RBFOX1: variants seen among roughly 807,000 people sequenced by gnomAD.
RBFOX1 encodes the protein RNA binding protein fox-1 homolog 1.
RBFOX1 carries 8 observed loss-of-function variants against 57.7 expected under a neutral mutation model. That is an observed-to-expected ratio of 0.14 (90% CI 0.08 to 0.25). The LOEUF is 0.25. Ranked by LOEUF, RBFOX1 falls within the 10% of genes least tolerant of loss-of-function variation. RBFOX1 has a pLI of 1.00. For synonymous variants in RBFOX1, 326 were observed against 222.4 expected (o/e 1.47, Z -4.15); for missense variants, 611 against 548.5 (o/e 1.11, Z -1.14).
In RBFOX1 at chr16:5,836,103, G is replaced by A. The variant is rs867363061; in HGVS notation, c.319-31200G>A. On this transcript the variant is annotated intron_variant, in intron 3 of 19. Coordinates refer to the RBFOX1 transcript ENST00000641259. ...GCTTGCAGCAGATGTTTAATTAGTC[G>A]TGAGGCTGTGCAGTGACTGGAGGCT... Among the ~76,000 whole-genome samples the A allele has an allele frequency of 6.6e-5, 10 of 152,176 alleles. No individual in the cohort carries two copies. In the East Asian group the frequency reaches 1.2e-3, roughly 18 times the overall value.
intron 14 of RBFOX1, among the ~76,000 whole-genome samples, chr16:7,689,684 T>C (rs996381343): frequency 6.6e-6 from 1 of 151,790 alleles, no homozygotes; most frequent in African/African-American, 2.4e-5. Flanking sequence ...GTGACAGGAA[T>C]GGGAAAATAC....
At chr16:7,325,032 G>A (rs1432271324) in intron 4 of RBFOX1, among the ~76,000 whole-genome samples, 2 of 152,168 alleles carry the variant, frequency 1.3e-5, no homozygotes, top group South Asian at 2.1e-4. Flanking sequence ...CAACAAGAAG[G>A]CACTTCACAA....
At chr16:7,472,955 G>C (rs2061841142) in intron 4 of RBFOX1, among the ~76,000 whole-genome samples, 1 of 152,184 alleles carries the variant, frequency 6.6e-6, no homozygotes, top group Non-Finnish European at 1.5e-5. Flanking sequence ...CAGGGATTTG[G>C]CTATGCCTTT....
chr16:7,432,733 G>A lies in RBFOX1; in HGVS notation c.28-85414G>A, dbSNP rs149134250. On this transcript the variant is annotated intron_variant, in intron 4 of 15. Transcript: ENST00000550418. ...CTATGGGCCATAGTTTGAGAGCCCT[G>A]TCCTAGACTCCAGCTGATGGCCTTT... Among the ~76,000 whole-genome samples the A allele has an allele frequency of 3.7e-3, 559 of 152,304 alleles. 2 individuals are homozygous for A. The highest frequency in any genetic ancestry group is 0.013 in the African/African-American group (529 of 41,566).
In RBFOX1 at chr16:6,982,086, T is replaced by A. The variant is rs547731099; in HGVS notation, c.-15-69971T>A. 2.6e-5 allele frequency among the ~76,000 whole-genome samples: 4 copies of A among 152,302 alleles called. No individual in the cohort carries two copies. The South Asian group carries it at 8.3e-4, about 32-fold the overall frequency. ...CATGATATACTCATGTTGGTTTATATAACAAGAATGTGGCCCCCGCACCAA... is the reference window on the plus strand; with the variant it reads ...CATGATATACTCATGTTGGTTTATAAAACAAGAATGTGGCCCCCGCACCAA... On this transcript the variant is annotated intron_variant, in intron 3 of 15. Transcript: ENST00000550418.
At chr16:6,216,678 C>G (rs946389510) in intron 1 of RBFOX1, among the ~76,000 whole-genome samples, 5 of 152,110 alleles carry the variant, frequency 3.3e-5, no homozygotes, top group African/African-American at 1.2e-4. Flanking sequence ...TATTTTTTCG[C>G]TTAGACAGAT....
intron 4 of RBFOX1, among the ~76,000 whole-genome samples, chr16:7,285,869 C>G (rs1297164222): frequency 6.6e-6 from 1 of 152,140 alleles, no homozygotes; most frequent in Non-Finnish European, 1.5e-5. Context: ...TGTGTGAACA[C>G]AAGATTCCAT....
At chr16:7,366,021 G>C (rs989229507) in intron 4 of RBFOX1, among the ~76,000 whole-genome samples, 1 of 152,212 alleles carries the variant, frequency 6.6e-6, no homozygotes, top group Non-Finnish European at 1.5e-5. Flanking sequence ...CTCTGTGTCA[G>C]AAACTCCCAG....
intron 5 of RBFOX1, among the ~76,000 whole-genome samples, chr16:7,567,269 A>ATATATATATCTATATATATATCCC (rs1567864944): frequency 2.7e-4 from 18 of 67,788 alleles, no homozygotes; most frequent in Non-Finnish European, 4.4e-4. Flanking sequence ...ATATATCCCT[A>ATATATATATCTATATATATATCCC]TATATATATC....
intron 3 of RBFOX1, among the ~76,000 whole-genome samples, chr16:5,855,935 C>T (rs1420197074): frequency 8.1e-6 from 1 of 123,032 alleles, no homozygotes; most frequent in African/African-American, 3.0e-5. Flanking sequence ...ATGTACACGT[C>T]TTTCAACTCT....
At chr16:7,462,980 G>T (rs894294664) in intron 4 of RBFOX1, among the ~76,000 whole-genome samples, 6 of 152,128 alleles carry the variant, frequency 3.9e-5, no homozygotes, top group African/African-American at 1.4e-4. Context: ...AATTACATCT[G>T]CAAAGTCCTT....
chr16:6,226,158 G>A (rs890847158), intron 1 of RBFOX1, among the ~76,000 whole-genome samples: 1 of 146,138 alleles, frequency 6.8e-6, no homozygotes, highest in Non-Finnish European at 1.5e-5. Flanking sequence ...TCAGGAATTC[G>A]AGACCAGCCT....
chr16:7,088,857 A>C (rs372748455), intron 4 of RBFOX1, among the ~76,000 whole-genome samples: 3 of 152,184 alleles, frequency 2.0e-5, no homozygotes, highest in African/African-American at 7.2e-5. Flanking sequence ...GTCTTTCATC[A>C]GCATCATCAT....
At chr16:6,230,392 C>G (rs56055447) in intron 1 of RBFOX1, among the ~76,000 whole-genome samples, 60,373 of 151,930 alleles carry the variant, frequency 0.4, 12,600 homozygotes, top group Middle Eastern at 0.54. Context: ...GGGGCTTTAA[C>G]TAATATGCCT....
chr16:6,070,250 C>A (rs1339167930), intron 1 of RBFOX1, among the ~76,000 whole-genome samples: 1 of 152,110 alleles, frequency 6.6e-6, no homozygotes, highest in Admixed American at 6.5e-5. Flanking sequence ...TGTGGCTCCC[C>A]CAAAGTATCT....
intron 3 of RBFOX1, among the ~76,000 whole-genome samples, chr16:6,936,917 C>T (rs1225433859): frequency 7.9e-6 from 1 of 126,472 alleles, no homozygotes; most frequent in Non-Finnish European, 1.6e-5. Flanking sequence ...CTTCCTGTGT[C>T]CATGTGATCT....
intron 2 of RBFOX1, among the ~76,000 whole-genome samples, chr16:5,510,191 G>C (rs2043532746): frequency 6.6e-6 from 1 of 152,222 alleles, no homozygotes; most frequent in Admixed American, 6.5e-5. Flanking sequence ...CTAAAATGGG[G>C]TCTATTCTGC....
At chr16:5,468,198 C>T (rs552745450) in intron 2 of RBFOX1, among the ~76,000 whole-genome samples, 1 of 152,144 alleles carries the variant, frequency 6.6e-6, no homozygotes, top group Non-Finnish European at 1.5e-5. Context: ...AGGTGAAATT[C>T]ACATAGCATA....
intron 2 of RBFOX1, among the ~76,000 whole-genome samples, chr16:6,359,078 T>TTTTGTTTGTTTG (rs149046972): frequency 5.8e-4 from 87 of 151,168 alleles, no homozygotes; most frequent in African/African-American, 2.1e-3. Context: ...TTGAAAGGGT[T>TTTTGTTTGTTTG]TTTGTTTGTT....
Sources: allele counts gnomAD v4.1 joint callset (sites outside exome capture counted in the v4.1 genomes callset), GRCh38; gene constraint gnomAD v4.1.1; transcripts MANE v1.5; gene names NCBI Gene and HGNC (gene_info 2026-07-23, HGNC 2026-07-21).